SMIM13: variants seen among roughly 807,000 people sequenced by gnomAD.
The protein encoded by SMIM13 is small integral membrane protein 13, also known as UPF0766 protein C6orf228.
SMIM13 carries 3 observed loss-of-function variants against 5.9 expected under a neutral mutation model. The ratio of observed to expected loss-of-function variants is 0.51; its 90% CI spans 0.23 to 1.31. The LOEUF (loss-of-function observed/expected upper bound fraction) is 1.31. Ranked by LOEUF, SMIM13 falls within the 40% of genes most tolerant of loss-of-function variation. The pLI, the probability that SMIM13 is intolerant of heterozygous loss-of-function variation, is 0.18. For missense variants in SMIM13, 85 were observed against 109.9 expected, an observed-to-expected ratio of 0.77 and a Z score of 1.01; for synonymous variants, 55 against 46.0, an observed-to-expected ratio of 1.19 and a Z score of -0.79.
chr6:11,104,406 C>T (rs557053848), intron 1 of SMIM13: 47 of 1,551,392 alleles, frequency 3.0e-5, no homozygotes, highest in Non-Finnish European at 3.8e-5. Context: ...AATCGACTGG[C>T]CACAAATATA....
At chr6:11,106,657 A>G (rs1278173074) in intron 1 of SMIM13, among the ~76,000 whole-genome samples, 1 of 152,238 alleles carries the variant, frequency 6.6e-6, no homozygotes, top group East Asian at 1.9e-4. Flanking sequence ...GAGAGAGAGC[A>G]GTTCACTGGG....
intron 1 of SMIM13, among the ~76,000 whole-genome samples, chr6:11,123,160 T>C (rs1401556019): frequency 6.6e-6 from 1 of 152,222 alleles, no homozygotes; most frequent in African/African-American, 2.4e-5. Context: ...TTCTACGTTG[T>C]GTTTTTTCTA....
chr6:11,094,708 C>A (rs1757900655), intron 1 of SMIM13, among the ~76,000 whole-genome samples: 1 of 152,204 alleles, frequency 6.6e-6, no homozygotes, highest in African/African-American at 2.4e-5. Context: ...CCTTGGCCTG[C>A]ATTCGAAGGT....
intron 1 of SMIM13, among the ~76,000 whole-genome samples, chr6:11,120,428 A>G (rs1758295644): frequency 6.6e-6 from 1 of 152,202 alleles, no homozygotes; most frequent in Non-Finnish European, 1.5e-5. Flanking sequence ...GTGTCCAAAC[A>G]TGGCAGAAGG....
chr6:11,102,857 A>G (rs1249518363), intron 1 of SMIM13: 2 of 152,192 alleles, frequency 1.3e-5, no homozygotes, highest in Non-Finnish European at 2.9e-5. Flanking sequence ...ATGATAGTCC[A>G]AGGCAAGTTT....
intron 1 of SMIM13, among the ~76,000 whole-genome samples, chr6:11,106,271 C>T (rs116393060): frequency 9.3e-4 from 141 of 152,314 alleles, no homozygotes; most frequent in African/African-American, 3.1e-3. Context: ...ACACAGACCA[C>T]GAGGTACTTA....
At chr6:11,103,786 G>A in intron 1 of SMIM13, 10 of 1,551,656 alleles carry the variant, frequency 6.4e-6, no homozygotes, top group Non-Finnish European at 8.7e-6. Flanking sequence ...GAGACAAATT[G>A]GGTTATTAGA....
intron 1 of SMIM13, among the ~76,000 whole-genome samples, chr6:11,130,253 T>TAAAAA (rs35012412): frequency 6.4e-5 from 9 of 140,140 alleles, no homozygotes; most frequent in Admixed American, 1.4e-4. Context: ...GTAGTCATTG[T>TAAAAA]AAAAAAAAAA....
intron 1 of SMIM13, among the ~76,000 whole-genome samples, chr6:11,110,545 C>T (rs1262830123): frequency 6.6e-6 from 1 of 152,104 alleles, no homozygotes; most frequent in South Asian, 2.1e-4. Context: ...GGTCCTGATA[C>T]ATATTGAGAA....
At chr6:11,132,107 G>A (rs1291666279) in intron 1 of SMIM13, among the ~76,000 whole-genome samples, 1 of 152,136 alleles carries the variant, frequency 6.6e-6, no homozygotes, top group East Asian at 1.9e-4. Flanking sequence ...TAAAAAATGA[G>A]CAAAAGAAAT....
At chr6:11,104,233 C>T (rs1017806678) in intron 1 of SMIM13, 6 of 1,551,550 alleles carry the variant, frequency 3.9e-6, no homozygotes, top group Non-Finnish European at 5.2e-6. Flanking sequence ...ATGCCGAGTC[C>T]CGCGAGAAGG....
At chr6:11,104,107 T>C in intron 1 of SMIM13, 1 of 1,551,690 alleles carries the variant, frequency 6.4e-7, no homozygotes, top group South Asian at 1.2e-5. Flanking sequence ...TGTTCTTGCA[T>C]GGTCGTTAAG....
At chr6:11,130,275 A>ACAC (rs751311370) in intron 1 of SMIM13, among the ~76,000 whole-genome samples, 1 of 150,738 alleles carries the variant, frequency 6.6e-6, no homozygotes. Flanking sequence ...AAAAACAACA[A>ACAC]CAACAACAAC....
At chr6:11,103,966 G>A (rs910692970) in intron 1 of SMIM13, 9 of 1,551,538 alleles carry the variant, frequency 5.8e-6, no homozygotes, top group Admixed American at 2.0e-5. Context: ...ATGTTGTCTT[G>A]TACTTTTCCT....
intron 1 of SMIM13, among the ~76,000 whole-genome samples, chr6:11,133,311 A>G (rs1268837940): frequency 6.6e-6 from 1 of 152,168 alleles, no homozygotes; most frequent in Non-Finnish European, 1.5e-5. Context: ...CTTAAAGCAA[A>G]AACTTGAGAA....
chr6:11,119,984 T>C (rs1758290144), intron 1 of SMIM13, among the ~76,000 whole-genome samples: 1 of 152,180 alleles, frequency 6.6e-6, no homozygotes, highest in Non-Finnish European at 1.5e-5. Flanking sequence ...TAGTCTACAT[T>C]TAGGATTTGG....
intron 1 of SMIM13, chr6:11,105,065 C>T: frequency 6.2e-7 from 1 of 1,614,192 alleles, no homozygotes. Flanking sequence ...TCAGTCCTTT[C>T]AGATTAGGGT....
Position 11,094,367 on chromosome 6 carries a change from C to G in SMIM13, c.54C>G (p.Ile18Met), listed in dbSNP as rs1757894057. ...TLLVFVATLL[I>M]VLLLMVCGWY... ...TTGTGTTCGTGGCCACGCTGCTGAT[C>G]GTCCTGCTGCTGATGGTGTGCGGTG... Residue 18 changes from isoleucine (I) to methionine (M), a missense_variant, in exon 1 of 2, where the codon ATC becomes ATG. By Grantham distance (10) the Ile-to-Met change is conservative (BLOSUM62 1). Coordinates refer to ENST00000416247, the MANE Select transcript of SMIM13 (RefSeq NM_001135575.2). 1.3e-6 allele frequency: 2 copies of G among 1,537,706 alleles called. No homozygotes were observed. The highest frequency in any genetic ancestry group is 2.0e-5 in the Admixed American group (1 of 50,880).
intron 1 of SMIM13, among the ~76,000 whole-genome samples, chr6:11,114,536 A>T: frequency 1.2e-5 from 1 of 81,068 alleles, no homozygotes; most frequent in African/African-American, 5.5e-5. Context: ...AGGAGTGGAT[A>T]TTGGATTTTT....
Sources: allele counts gnomAD v4.1 joint callset (sites outside exome capture counted in the v4.1 genomes callset), GRCh38; gene constraint gnomAD v4.1.1; transcripts MANE v1.5; gene names NCBI Gene and HGNC (gene_info 2026-07-23, HGNC 2026-07-21).